Variants in SBF2 observed in about 807,000 individuals in gnomAD.
SBF2 encodes the protein SET binding factor 2.
Under a neutral mutation model 225.2 loss-of-function variants are expected in SBF2, and 112 were observed. The observed-to-expected ratio is 0.50, with a 90% CI of 0.43 to 0.58. The LOEUF is 0.58. Among genes scored for constraint, SBF2 ranks in the 20% least tolerant of loss-of-function variants. SBF2 has a pLI of 0.00. For missense variants in SBF2, 1,996 were observed against 2,206.2 expected (o/e 0.90, Z 1.91); for synonymous variants, 763 against 773.3 (o/e 0.99, Z 0.22).
At position 9,839,640 on chromosome 11, in the gene SBF2, T is replaced by C. The variant is rs1217278816; in HGVS notation, c.3313A>G (p.Thr1105Ala). Reference protein sequence around the residue: ...STTLKASEKSTMEQLVEKACF... With the variant: ...STTLKASEKSAMEQLVEKACF... ...GCTTTTTCCACCAACTGTTCCATTG[T>C]AGACTTCTCGGAGGCCTTCAGGGTG... is the stretch of plus-strand genomic sequence containing the variant. Residue 1105 changes from threonine (T) to alanine (A), a missense_variant, in exon 26 of 40, where the codon ACA becomes GCA. Coordinates refer to ENST00000256190, the MANE Select transcript of SBF2 (RefSeq NM_030962.4). 5 of 1,614,078 alleles carry C rather than the reference T, an allele frequency of 3.1e-6. No individual in the cohort carries two copies. In the Admixed American group the frequency reaches 5.0e-5, roughly 16 times the overall value.
At chr11:10,059,569 G>A (rs568405318) in intron 2 of SBF2, among the ~76,000 whole-genome samples, 9 of 152,152 alleles carry the variant, frequency 5.9e-5, no homozygotes, top group African/African-American at 2.2e-4. Context: ...AAAAACAACA[G>A]AATATACATT....
At chr11:10,157,249 C>G (rs1227508918) in intron 2 of SBF2, among the ~76,000 whole-genome samples, 1 of 152,150 alleles carries the variant, frequency 6.6e-6, no homozygotes, top group Non-Finnish European at 1.5e-5. Flanking sequence ...CTTCCTTACA[C>G]CATATACAAA....
chr11:10,124,772 A>G (rs1953660544), intron 2 of SBF2, among the ~76,000 whole-genome samples: 1 of 152,144 alleles, frequency 6.6e-6, no homozygotes, highest in East Asian at 1.9e-4. Context: ...AAAAATAAAA[A>G]CAAAAAAATA....
chr11:9,782,800 G>A (rs1163632364), intron 38 of SBF2, among the ~76,000 whole-genome samples: 1 of 151,820 alleles, frequency 6.6e-6, no homozygotes, highest in Non-Finnish European at 1.5e-5. Flanking sequence ...AACCCAGGAG[G>A]TGGAGCTTGC....
intron 16 of SBF2, among the ~76,000 whole-genome samples, chr11:9,930,460 T>A (rs1200133083): frequency 2.0e-5 from 3 of 151,980 alleles, no homozygotes; most frequent in Non-Finnish European, 4.4e-5. Context: ...TGGGAATGGG[T>A]ATAGAGGCAG....
At chr11:9,968,747 T>C (rs557227093) in intron 13 of SBF2, among the ~76,000 whole-genome samples, 1 of 152,320 alleles carries the variant, frequency 6.6e-6, no homozygotes, top group East Asian at 1.9e-4. Context: ...GCATCTGTCT[T>C]CCTCTTCCAT....
rs572539081 is a variant in SBF2 at position 9,926,208 on chromosome 11, T to C, written c.1861-30197A>G. 7.9e-5 allele frequency among the ~76,000 whole-genome samples: 12 copies of C among 152,322 alleles called. No individual in the cohort carries two copies. The South Asian group carries it at 2.5e-3, about 32-fold the overall frequency. ...TTTGGTCATTTCTACACTGCATAAG[T>C]AGAAAAATATTTCGGGTAGACTGTA... On this transcript the variant is annotated intron_variant, in intron 16 of 39. Coordinates refer to ENST00000256190, the MANE Select transcript of SBF2 (RefSeq NM_030962.4).
intron 1 of SBF2, among the ~76,000 whole-genome samples, chr11:10,246,620 T>C (rs1312040719): frequency 6.6e-6 from 1 of 152,200 alleles, no homozygotes; most frequent in Non-Finnish European, 1.5e-5. Context: ...GACAATCATA[T>C]GTCAATTGAT....
At chr11:10,246,704 T>C (rs1337186629) in intron 1 of SBF2, among the ~76,000 whole-genome samples, 3 of 152,200 alleles carry the variant, frequency 2.0e-5, no homozygotes, top group Non-Finnish European at 4.4e-5. Flanking sequence ...TTAAAAACAA[T>C]GAATCTAAAA....
At chr11:10,019,441 T>C (rs936857531) in intron 6 of SBF2, among the ~76,000 whole-genome samples, 3 of 152,174 alleles carry the variant, frequency 2.0e-5, no homozygotes, top group South Asian at 2.1e-4. Context: ...TAATTAATCA[T>C]AGATACAGTA....
intron 2 of SBF2, among the ~76,000 whole-genome samples, chr11:10,132,515 G>C (rs61878637): frequency 0.11 from 16,694 of 145,354 alleles, 1,755 homozygotes; most frequent in Non-Finnish European, 0.12. Flanking sequence ...AGACCTTCGC[G>C]GTGAGTGTTA....
At chr11:10,257,313 C>G (rs1206151138) in intron 1 of SBF2, among the ~76,000 whole-genome samples, 1 of 152,078 alleles carries the variant, frequency 6.6e-6, no homozygotes, top group Non-Finnish European at 1.5e-5. Context: ...CAATGATTCC[C>G]AAAACACTAT....
intron 1 of SBF2, among the ~76,000 whole-genome samples, chr11:10,275,308 G>T (rs1352551778): frequency 6.6e-6 from 1 of 152,064 alleles, no homozygotes; most frequent in Non-Finnish European, 1.5e-5. Context: ...ATTTGTGCTT[G>T]TAACTATAAA....
At chr11:10,137,301 T>A (rs1954419117) in intron 2 of SBF2, among the ~76,000 whole-genome samples, 1 of 152,240 alleles carries the variant, frequency 6.6e-6, no homozygotes, top group Non-Finnish European at 1.5e-5. Context: ...TTTTGTGTAC[T>A]CTTTGGAATT....
At chr11:9,915,881 T>C (rs761234419) in intron 16 of SBF2, among the ~76,000 whole-genome samples, 12 of 152,236 alleles carry the variant, frequency 7.9e-5, no homozygotes, top group Non-Finnish European at 1.2e-4. Context: ...CTGACCAATA[T>C]GGTGAAACCC....
At chr11:10,181,381 A>T (rs2135287065) in intron 2 of SBF2, among the ~76,000 whole-genome samples, 1 of 152,194 alleles carries the variant, frequency 6.6e-6, no homozygotes, top group South Asian at 2.1e-4. Context: ...TAACTTACCT[A>T]AAACTGTCAC....
intron 1 of SBF2, among the ~76,000 whole-genome samples, chr11:10,269,323 G>A (rs1046547454): frequency 1.3e-5 from 2 of 152,146 alleles, no homozygotes; most frequent in African/African-American, 2.4e-5. Context: ...TCATCCTAGT[G>A]GGAAAAGATA....
chr11:10,046,945 G>T (rs1348233686), intron 2 of SBF2, among the ~76,000 whole-genome samples: 1 of 148,012 alleles, frequency 6.8e-6, no homozygotes, highest in East Asian at 2.0e-4. Context: ...AAGATACAAA[G>T]TTAATATACA....
intron 22 of SBF2, among the ~76,000 whole-genome samples, chr11:9,848,041 C>T (rs185920608): frequency 6.9e-6 from 1 of 144,762 alleles, no homozygotes; most frequent in East Asian, 2.2e-4. Context: ...GGTAGAGGAA[C>T]ATAACAGGAG....
Sources: gnomAD v4.1 joint callset for allele counts (sites outside exome capture counted in the v4.1 genomes callset) on GRCh38, gnomAD v4.1.1 for gene constraint, MANE v1.5 for transcripts, NCBI Gene and HGNC (gene_info 2026-07-23, HGNC 2026-07-21) for gene names.